KLHL32: variants seen among roughly 807,000 people sequenced by gnomAD.
The protein encoded by KLHL32 is kelch like family member 32.
In KLHL32, 35 loss-of-function variants were observed where a neutral mutation model predicts 64.8. The ratio of observed to expected loss-of-function variants is 0.54; its 90% confidence interval spans 0.41 to 0.72. The LOEUF is 0.72. Among genes scored for constraint, KLHL32 ranks in the 30% least tolerant of loss-of-function variants. KLHL32 has a pLI of 0.00. For synonymous variants in KLHL32, 259 were observed against 281.0 expected (o/e 0.92, Z 0.78); for missense variants, 589 against 768.5 (o/e 0.77, Z 2.76).
chr6:97,085,767 G>A (rs1793318432), intron 6 of KLHL32, among the ~76,000 whole-genome samples: 1 of 152,176 alleles, frequency 6.6e-6, no homozygotes, highest in Non-Finnish European at 1.5e-5. Flanking sequence ...ACATTTCTTT[G>A]TTGCAATAGA....
chr6:96,980,161 T>A (rs1776145646), intron 3 of KLHL32, among the ~76,000 whole-genome samples: 1 of 152,104 alleles, frequency 6.6e-6, no homozygotes, highest in African/African-American at 2.4e-5. Context: ...TATTTCTCTC[T>A]GTTTCCTGAT....
chr6:96,984,266 C>G (rs1257334395), intron 3 of KLHL32, among the ~76,000 whole-genome samples: 2 of 152,136 alleles, frequency 1.3e-5, no homozygotes, highest in African/African-American at 4.8e-5. Context: ...AATTTCTGTT[C>G]TTTTACATTT....
At chr6:97,036,981 A>G (rs1784393837) in intron 3 of KLHL32, among the ~76,000 whole-genome samples, 3 of 152,248 alleles carry the variant, frequency 2.0e-5, no homozygotes, top group Non-Finnish European at 4.4e-5. Context: ...TATGTGGAAC[A>G]TCCTCAGTTC....
At chr6:97,013,090 C>G (rs1343883138) in intron 3 of KLHL32, among the ~76,000 whole-genome samples, 3 of 152,108 alleles carry the variant, frequency 2.0e-5, no homozygotes, top group African/African-American at 7.2e-5. Context: ...GATACTTACC[C>G]CTCCTAGCCT....
intron 5 of KLHL32, among the ~76,000 whole-genome samples, chr6:97,076,077 A>T (rs562705802): frequency 1.3e-5 from 2 of 152,286 alleles, no homozygotes; most frequent in African/African-American, 4.8e-5. Flanking sequence ...CTTTTCTGCT[A>T]TGAGTAATAT....
chr6:96,975,737 A>T (rs1302797247), intron 2 of KLHL32, among the ~76,000 whole-genome samples: 1 of 152,204 alleles, frequency 6.6e-6, no homozygotes, highest in Non-Finnish European at 1.5e-5. Context: ...GCAGCCACAG[A>T]TGAACACACA....
chr6:96,991,867 G>A (rs1035620304), intron 3 of KLHL32, among the ~76,000 whole-genome samples: 3 of 152,154 alleles, frequency 2.0e-5, no homozygotes, highest in Non-Finnish European at 4.4e-5. Context: ...CAGGGGCGGG[G>A]GACGGCATTG....
At chr6:97,053,580 T>A (rs1157558286) in intron 4 of KLHL32, among the ~76,000 whole-genome samples, 1 of 152,176 alleles carries the variant, frequency 6.6e-6, no homozygotes, top group Non-Finnish European at 1.5e-5. Flanking sequence ...CTTACTTACA[T>A]GTTATATGTT....
At chr6:97,137,959 A>T (rs547722542) in intron 10 of KLHL32, among the ~76,000 whole-genome samples, 70 of 152,332 alleles carry the variant, frequency 4.6e-4, no homozygotes, top group Admixed American at 3.3e-4. Context: ...TACGTCCAGG[A>T]TGCAGATGAA....
intron 3 of KLHL32, among the ~76,000 whole-genome samples, chr6:96,991,276 G>A (rs928395328): frequency 6.6e-6 from 1 of 152,118 alleles, no homozygotes; most frequent in Admixed American, 6.5e-5. Context: ...ATGCTCAGCT[G>A]GGGGTGGGGT....
At chr6:96,943,544 T>C (rs1771583529) in intron 1 of KLHL32, among the ~76,000 whole-genome samples, 1 of 152,174 alleles carries the variant, frequency 6.6e-6, no homozygotes, top group Admixed American at 6.5e-5. Flanking sequence ...CCTCCACATT[T>C]TGTATGAGAA....
intron 3 of KLHL32, among the ~76,000 whole-genome samples, chr6:97,028,727 G>A (rs1783088677): frequency 6.6e-6 from 1 of 152,214 alleles, no homozygotes; most frequent in African/African-American, 2.4e-5. Flanking sequence ...GCTGCCATAT[G>A]CGAGAGATCA....
chr6:96,954,126 T>C (rs1444191208), intron 1 of KLHL32, among the ~76,000 whole-genome samples: 3 of 152,234 alleles, frequency 2.0e-5, no homozygotes, highest in Non-Finnish European at 4.4e-5. Context: ...TCTCAATATG[T>C]ACTCCCTTGT....
chr6:96,965,093 G>A lies in KLHL32; in HGVS notation c.-65-1903G>A, dbSNP rs142407133. Among the ~76,000 whole-genome samples, 895 of 152,272 alleles carry A rather than the reference G, an allele frequency of 5.9e-3. 4 individuals are homozygous for A. Among genetic ancestry groups the A allele is most frequent in the African/African-American group, 0.02 (814 of 41,544 alleles). Reference sequence around the variant, plus strand: ...TCACTTAGAAGTGAGAAGAACATGTGTTATTTGTTTTTCTGTTCCTGCATT... The same window carrying A: ...TCACTTAGAAGTGAGAAGAACATGTATTATTTGTTTTTCTGTTCCTGCATT... On this transcript the variant is annotated intron_variant, in intron 1 of 10. Transcript: ENST00000369261.
intron 3 of KLHL32, chr6:96,994,484 G>T (rs1210549361): frequency 3.7e-5 from 36 of 984,658 alleles, no homozygotes; most frequent in Admixed American, 6.2e-5. Flanking sequence ...AGATTTTTGT[G>T]CTCTGTACTC....
chr6:96,967,947 A>G (rs183189759), intron 2 of KLHL32, among the ~76,000 whole-genome samples: 1 of 152,300 alleles, frequency 6.6e-6, no homozygotes, highest in East Asian at 1.9e-4. Flanking sequence ...GTCTCACTGG[A>G]GGTAAATCTG....
At chr6:97,106,985 T>G (rs1330962867) in intron 6 of KLHL32, among the ~76,000 whole-genome samples, 1 of 152,132 alleles carries the variant, frequency 6.6e-6, no homozygotes, top group African/African-American at 2.4e-5. Flanking sequence ...TTTTTCTAAT[T>G]TATTGAATAT....
At chr6:96,925,999 A>C (rs956381787) in intron 1 of KLHL32, among the ~76,000 whole-genome samples, 7 of 152,082 alleles carry the variant, frequency 4.6e-5, no homozygotes, top group Admixed American at 4.6e-4. Context: ...TGGAACACTG[A>C]TAGGCCAATG....
At chr6:96,941,972 C>G (rs1299057815) in intron 1 of KLHL32, among the ~76,000 whole-genome samples, 1 of 152,126 alleles carries the variant, frequency 6.6e-6, no homozygotes, top group East Asian at 1.9e-4. Context: ...TGAATATGGT[C>G]TCAGAGAAAG....
Sources: allele counts gnomAD v4.1 joint callset (sites outside exome capture counted in the v4.1 genomes callset), GRCh38; gene constraint gnomAD v4.1.1; transcripts MANE v1.5; gene names NCBI Gene and HGNC (gene_info 2026-07-23, HGNC 2026-07-21).